TRIM51G: variants seen among roughly 807,000 people sequenced by gnomAD.
TRIM51G encodes the protein tripartite motif-containing protein 51G.
At chr11:48,976,841 A>C in the TRIM51G span, among the ~76,000 whole-genome samples, 1 of 152,136 alleles carries the variant, frequency 6.6e-6, no homozygotes, top group Non-Finnish European at 1.5e-5. Flanking sequence ...TTATGTCATT[A>C]CATTTACCCA....
At chr11:48,982,978 T>C in the TRIM51G span, among the ~76,000 whole-genome samples, 3 of 107,790 alleles carry the variant, frequency 2.8e-5, no homozygotes, top group East Asian at 7.0e-4. Context: ...TATATATATA[T>C]ATATATATAG....
At chr11:48,976,037 T>C in the TRIM51G span, 1 of 448,896 alleles carries the variant, frequency 2.2e-6, no homozygotes, top group South Asian at 1.9e-5. Flanking sequence ...TACATGTAAT[T>C]AACAGAAATT....
the TRIM51G span, among the ~76,000 whole-genome samples, chr11:48,980,071 A>G: frequency 0.99 from 149,739 of 151,936 alleles, 73,846 homozygotes; most frequent in Middle Eastern, 1. Context: ...CATCATATAC[A>G]TCACATATCT....
At chr11:48,981,126 C>T in the TRIM51G span, 1 of 1,261,868 alleles carries the variant, frequency 7.9e-7, no homozygotes, top group Non-Finnish European at 1.1e-6. Flanking sequence ...CTTTGTTTCT[C>T]CTCATGTCTG....
chr11:48,982,013 A>G, the TRIM51G span, among the ~76,000 whole-genome samples: 3 of 152,290 alleles, frequency 2.0e-5, no homozygotes, highest in Admixed American at 1.3e-4. Flanking sequence ...GTGGTCTAGC[A>G]TAAAACATGC....
At chr11:48,982,947 G>GTGTATATA in the TRIM51G span, among the ~76,000 whole-genome samples, 57 of 86,092 alleles carry the variant, frequency 6.6e-4, 3 homozygotes, top group Middle Eastern at 6.8e-3. Flanking sequence ...AGTATTTTTG[G>GTGTATATA]TATATATACA....
At chr11:48,983,368 A>G in the TRIM51G span, among the ~76,000 whole-genome samples, 1 of 151,666 alleles carries the variant, frequency 6.6e-6, no homozygotes, top group Non-Finnish European at 1.5e-5. Context: ...ACTTAAAATC[A>G]TGTCTAAAAG....
chr11:48,978,761 GT>G, the TRIM51G span: 354,165 of 615,274 alleles, frequency 0.58, 105,095 homozygotes, highest in Non-Finnish European at 0.62. Context: ...ATAGAATCGT[GT>G]TTTTGGAAAC....
At chr11:48,976,610 ATT>A in the TRIM51G span, among the ~76,000 whole-genome samples, 2 of 151,938 alleles carry the variant, frequency 1.3e-5, no homozygotes, top group African/African-American at 4.8e-5. Context: ...TTTACAAAAT[ATT>A]TTTTCTTTTT....
the TRIM51G span, among the ~76,000 whole-genome samples, chr11:48,980,061 C>T: frequency 1.3e-5 from 2 of 151,862 alleles, no homozygotes; most frequent in South Asian, 4.2e-4. Flanking sequence ...CACTCTAACA[C>T]ATCATATACA....
At chr11:48,983,438 A>G in the TRIM51G span, among the ~76,000 whole-genome samples, 1 of 152,088 alleles carries the variant, frequency 6.6e-6, no homozygotes, top group East Asian at 1.9e-4. Flanking sequence ...ACTTAACTGT[A>G]CCAATATTAG....
chr11:48,981,702 G>A, the TRIM51G span: 1 of 1,597,662 alleles, frequency 6.3e-7, no homozygotes, highest in Non-Finnish European at 8.6e-7. Flanking sequence ...TCATGTTTCT[G>A]AAGAAGAAAG....
the TRIM51G span, among the ~76,000 whole-genome samples, chr11:48,980,562 T>C: frequency 4.6e-5 from 7 of 152,276 alleles, no homozygotes; most frequent in East Asian, 1.2e-3. Context: ...AAGAGTCACC[T>C]GAAATTTCCA....
chr11:48,975,902 G>T, the TRIM51G span: 1 of 792,012 alleles, frequency 1.3e-6, no homozygotes, highest in Non-Finnish European at 2.2e-6. Context: ...GTGATATTGG[G>T]ATCATGTTGA....
At chr11:48,981,401 T>G in the TRIM51G span, 1 of 1,607,934 alleles carries the variant, frequency 6.2e-7, no homozygotes, top group Admixed American at 1.7e-5. Context: ...ATCTCCTTTG[T>G]CTCTCTGTGC....
At chr11:48,975,735 C>A in the TRIM51G span, 7 of 1,567,162 alleles carry the variant, frequency 4.5e-6, no homozygotes, top group Non-Finnish European at 5.3e-6. Flanking sequence ...AGAGTCCCAC[C>A]TCTCCATCTA....
the TRIM51G span, chr11:48,978,218 C>A: frequency 1.9e-6 from 1 of 528,626 alleles, no homozygotes; most frequent in South Asian, 1.4e-5. Flanking sequence ...CAACTAAGTT[C>A]ATTGTGTGAT....
At chr11:48,975,535 G>C in the TRIM51G span, 2 of 1,398,408 alleles carry the variant, frequency 1.4e-6, no homozygotes, top group South Asian at 2.3e-5. Context: ...CCAGAGAGGA[G>C]GTGAGAAGGA....
At chr11:48,981,373 T>G in the TRIM51G span, 1 of 1,607,602 alleles carries the variant, frequency 6.2e-7, no homozygotes, top group Non-Finnish European at 8.5e-7. Flanking sequence ...GAGCAGGCTC[T>G]TGTCCACTTC....
Sources: allele counts gnomAD v4.1 joint callset (sites outside exome capture counted in the v4.1 genomes callset), GRCh38; gene constraint gnomAD v4.1.1; transcripts MANE v1.5; gene names NCBI Gene and HGNC (gene_info 2026-07-23, HGNC 2026-07-21).